The following TCF4 variants were observed in gnomAD, a reference collection of about 807,000 sequenced individuals.
TCF4 encodes transcription factor 4.
In TCF4, 3 loss-of-function variants were observed where a neutral mutation model predicts 82.1. That is an observed-to-expected ratio of 0.04 (90% CI 0.02 to 0.09). The LOEUF (loss-of-function observed/expected upper bound fraction) is 0.09, where lower values mean the gene tolerates loss of function less well. Ranked by LOEUF, TCF4 falls within the 10% of genes least tolerant of loss-of-function variation. TCF4 has a pLI of 1.00. For synonymous variants in TCF4, 276 were observed against 309.6 expected, an observed-to-expected ratio of 0.89 and a Z score of 1.14; for missense variants, 518 against 852.7, an observed-to-expected ratio of 0.61 and a Z score of 4.89.
intron 3 of TCF4, among the ~76,000 whole-genome samples, chr18:55,577,950 A>C (rs1374795998): frequency 6.6e-6 from 1 of 152,098 alleles, no homozygotes; most frequent in East Asian, 1.9e-4. Flanking sequence ...CCATGAAGTA[A>C]AAAGGCACCA....
At chr18:55,574,776 T>A (rs1350117772) in intron 3 of TCF4, among the ~76,000 whole-genome samples, 2 of 151,902 alleles carry the variant, frequency 1.3e-5, no homozygotes, top group Non-Finnish European at 2.9e-5. Flanking sequence ...ATAACTTGTA[T>A]CTTGGCTCTC....
chr18:55,304,813 T>C (rs1342231166), intron 8 of TCF4, among the ~76,000 whole-genome samples: 1 of 152,182 alleles, frequency 6.6e-6, no homozygotes, highest in Non-Finnish European at 1.5e-5. Flanking sequence ...GAAAATGTGA[T>C]TTAAGAAGAG....
chr18:55,247,554 G>A (rs1005154178), intron 15 of TCF4, among the ~76,000 whole-genome samples: 6 of 152,164 alleles, frequency 3.9e-5, no homozygotes, highest in African/African-American at 1.2e-4. Context: ...AAGATACAAG[G>A]TACTGAATGG....
At chr18:55,511,633 A>G (rs1189756734) in intron 3 of TCF4, among the ~76,000 whole-genome samples, 1 of 152,168 alleles carries the variant, frequency 6.6e-6, no homozygotes, top group African/African-American at 2.4e-5. Context: ...ATCTAAATAA[A>G]TATTTTTTTC....
chr18:55,271,608 A>T (rs1260004031), intron 10 of TCF4, among the ~76,000 whole-genome samples: 3 of 152,122 alleles, frequency 2.0e-5, no homozygotes, highest in Non-Finnish European at 4.4e-5. Flanking sequence ...AAATCTTTCC[A>T]AGTTCCTGAG....
chr18:55,624,869 C>A (rs1185348793), intron 2 of TCF4, among the ~76,000 whole-genome samples: 2 of 152,090 alleles, frequency 1.3e-5, no homozygotes, highest in African/African-American at 4.8e-5. Context: ...TTTTTAAGTA[C>A]CTCTCTGCAA....
At chr18:55,621,851 TG>T (rs2097720736) in intron 2 of TCF4, among the ~76,000 whole-genome samples, 8 of 103,508 alleles carry the variant, frequency 7.7e-5, no homozygotes, top group East Asian at 2.6e-4. Context: ...ATACAATGTA[TG>T]TATTATATTA....
At chr18:55,615,180 A>G (rs991316667) in intron 2 of TCF4, among the ~76,000 whole-genome samples, 5 of 152,126 alleles carry the variant, frequency 3.3e-5, no homozygotes, top group Non-Finnish European at 7.4e-5. Context: ...GGGAGAATTG[A>G]CATGTTAACA....
At chr18:55,344,699 T>C (rs541475001) in intron 8 of TCF4, among the ~76,000 whole-genome samples, 2 of 152,072 alleles carry the variant, frequency 1.3e-5, no homozygotes, top group South Asian at 4.2e-4. Flanking sequence ...TAAAAACACA[T>C]TGGAGAGTAG....
At chr18:55,239,682 T>C (rs900521167) in intron 15 of TCF4, among the ~76,000 whole-genome samples, 1 of 152,232 alleles carries the variant, frequency 6.6e-6, no homozygotes, top group East Asian at 1.9e-4. Context: ...AAATTTAATA[T>C]TTGCCACGAT....
At chr18:55,384,851 A>C (rs1480398414) in intron 6 of TCF4, among the ~76,000 whole-genome samples, 1 of 152,162 alleles carries the variant, frequency 6.6e-6, no homozygotes, top group Admixed American at 6.5e-5. Flanking sequence ...CAGAAAGTAG[A>C]GCTAAAGGAG....
intron 14 of TCF4, 104 bp from the exon 15 acceptor site, chr18:55,254,804 A>G: frequency 9.9e-7 from 1 of 1,010,036 alleles, no homozygotes. Flanking sequence ...GTTTCTAAAT[A>G]CATGTTTCCA....
chr18:55,473,860 A>T lies in TCF4; in HGVS notation c.146-9723T>A, dbSNP rs77939443. 3.9e-3 allele frequency among the ~76,000 whole-genome samples: 592 copies of T among 152,310 alleles called. 5 individuals are homozygous for T. The highest frequency in any genetic ancestry group is 7.1e-3 in the Non-Finnish European group (483 of 68,026). On this transcript the variant is annotated intron_variant, in intron 3 of 19. Coordinates refer to ENST00000354452, the MANE Select transcript of TCF4 (RefSeq NM_001083962.2). ...ATTGGAAAAAGGCCCTTTACTTCTC[A>T]TTAAAGCAATCTTCTGGGTACTGGC...
chr18:55,443,041 G>T (rs1338926480), intron 5 of TCF4, among the ~76,000 whole-genome samples: 2 of 152,248 alleles, frequency 1.3e-5, no homozygotes, highest in African/African-American at 4.8e-5. Context: ...TAGCTGCAAA[G>T]TGTGCTGATG....
At chr18:55,231,750 C>T (rs565234396) in intron 17 of TCF4, 10 of 152,344 alleles carry the variant, frequency 6.6e-5, no homozygotes, top group South Asian at 6.2e-4. Flanking sequence ...AAAGAGGCAG[C>T]ATGTTCTTAA....
Position 55,633,285 on chromosome 18 carries a change from G to C in TCF4, c.196-1897C>G, listed in dbSNP as rs1428655031. Among the ~76,000 whole-genome samples the C allele has an allele frequency of 6.6e-6, 1 of 152,132 alleles. No homozygotes were observed. Among genetic ancestry groups the C allele is most frequent in the East Asian group, 1.9e-4 (1 of 5,188 alleles). ...CTTCTAAGGTGGCTCCCACATGCCT[G>C]GCAAGTTGGTGCTGGCTGTTGGCAG... On this transcript the variant is annotated intron_variant, in intron 1 of 20. Coordinates refer to the TCF4 transcript ENST00000398339. This position sits in a 1 kb window ranked among gnomAD's most constrained non-coding sequence, Gnocchi z 4.0.
At chr18:55,323,827 A>G (rs2076117146) in intron 8 of TCF4, among the ~76,000 whole-genome samples, 1 of 152,208 alleles carries the variant, frequency 6.6e-6, no homozygotes, top group Non-Finnish European at 1.5e-5. Flanking sequence ...TCCCTTATTG[A>G]GAAGGCTTTT....
intron 3 of TCF4, among the ~76,000 whole-genome samples, chr18:55,560,531 A>C (rs1021161532): frequency 6.6e-6 from 1 of 152,178 alleles, no homozygotes; most frequent in Non-Finnish European, 1.5e-5. Context: ...GCATTTAGGC[A>C]ACTGACATAT....
intron 8 of TCF4, among the ~76,000 whole-genome samples, chr18:55,307,263 C>T (rs1014781275): frequency 2.0e-5 from 3 of 152,176 alleles, no homozygotes; most frequent in Non-Finnish European, 4.4e-5. Context: ...AGTCCTTCAC[C>T]TTAACTCAGA....
Sources: gnomAD v4.1 joint callset for allele counts (sites outside exome capture counted in the v4.1 genomes callset) on GRCh38, gnomAD v4.1.1 for gene constraint, Gnocchi (gnomAD v3.1) non-coding constraint, MANE v1.5 for transcripts, NCBI Gene and HGNC (gene_info 2026-07-23, HGNC 2026-07-21) for gene names.